MICAL3: variants seen among roughly 807,000 people sequenced by gnomAD.
The protein encoded by MICAL3 is [F-actin]-monooxygenase MICAL3.
A neutral mutation model predicts 207.4 loss-of-function variants in MICAL3; 62 were observed. That is an observed-to-expected ratio of 0.30 (90% CI 0.24 to 0.37). The LOEUF (loss-of-function observed/expected upper bound fraction) is 0.37, where lower values mean the gene tolerates loss of function less well. Ranked by LOEUF, MICAL3 falls within the 10% of genes least tolerant of loss-of-function variation. MICAL3 has a pLI of 1.00. For missense variants in MICAL3, 2,368 were observed against 2,635.6 expected (o/e 0.90, Z 2.22); for synonymous variants, 1,077 against 1,069.3 (o/e 1.01, Z -0.14).
chr22:17,857,083 C>T (rs534698707), intron 19 of MICAL3, among the ~76,000 whole-genome samples: 31 of 152,264 alleles, frequency 2.0e-4, no homozygotes, highest in African/African-American at 7.0e-4. Flanking sequence ...TCCTGTTAAT[C>T]GATACCAGCT....
At chr22:17,847,135 T>A (rs550711811) in intron 19 of MICAL3, among the ~76,000 whole-genome samples, 1 of 152,156 alleles carries the variant, frequency 6.6e-6, no homozygotes, top group South Asian at 2.1e-4. Flanking sequence ...CTCCTCTTCC[T>A]CCTCCCTGCA....
Position 17,818,733 on chromosome 22 carries a change from T to C in MICAL3, c.3928A>G (p.Ser1310Gly), listed in dbSNP as rs1278537829. The stretch of plus-strand genomic sequence containing the variant: ...AGGGCCTCATCCACAGCAAGGGGGC[T>C]GCCCAGTCTGTCCTTGGTGTCACTT... ...SQSDTKDRLGSPLAVDEALRR... is the reference protein window; with the variant it reads ...SQSDTKDRLGGPLAVDEALRR... Residue 1310 changes from serine (S) to glycine (G), a missense_variant, in exon 26 of 32, where the codon AGC (serine) becomes GGC (glycine). Around this residue, in one of 4 missense-constraint regions of MICAL3, gnomAD observed 1,770 missense variants for 1,863.2 expected, o/e 0.95. Transcript: ENST00000441493. The C allele has an allele frequency of 2.5e-6, 4 of 1,609,092 alleles. No homozygotes were observed. In the African/African-American group the frequency reaches 4.0e-5, roughly 16 times the overall value.
At chr22:17,896,431 G>C in intron 8 of MICAL3, 70 bp from the exon 9 acceptor site, 1 of 1,000,286 alleles carries the variant, frequency 1.0e-6, no homozygotes. Context: ...ATAAACTAAG[G>C]AACAAAGAGT....
intron 12 of MICAL3, among the ~76,000 whole-genome samples, chr22:17,890,099 G>A (rs531389036): frequency 2.0e-5 from 3 of 152,068 alleles, no homozygotes; most frequent in Non-Finnish European, 4.4e-5. Flanking sequence ...ATTTCCTACT[G>A]GGTTTAAGCC....
intron 1 of MICAL3, among the ~76,000 whole-genome samples, chr22:17,992,313 A>G (rs1288160588): frequency 6.6e-6 from 1 of 152,124 alleles, no homozygotes; most frequent in Non-Finnish European, 1.5e-5. Flanking sequence ...CAAACAGCAG[A>G]CACAGGGGGT....
chr22:17,821,997 G>A, intron 24 of MICAL3, 33 bp downstream of exon 24: 1 of 1,609,904 alleles, frequency 6.2e-7, no homozygotes, highest in African/African-American at 1.3e-5. Context: ...TAGGAATTCT[G>A]AAAGTTGTTT....
chr22:17,976,075 C>T (rs1284241834), intron 1 of MICAL3, among the ~76,000 whole-genome samples: 1 of 151,956 alleles, frequency 6.6e-6, no homozygotes, highest in Non-Finnish European at 1.5e-5. Flanking sequence ...CTACATGGCT[C>T]AAAGCCGGAG....
chr22:17,899,456 T>C lies in MICAL3; in HGVS notation c.940A>G (p.Ile314Val), dbSNP rs752669280. 1 of 1,600,366 alleles carries C rather than the reference T, an allele frequency of 6.2e-7. No homozygotes were observed. ...GGAAATCCGTGGCTCACATGTAGTA[T>C]CACTCCTTTGTCCAGCAAACTCTGC... Reference protein sequence around the residue: ...KKQSLLDKGVILHDYADTELL... With the variant: ...KKQSLLDKGVVLHDYADTELL... The change falls in exon 7 of 32, where the codon ATA becomes GTA. Residue 314 changes from isoleucine (I) to valine (V), a missense_variant. Coordinates refer to ENST00000441493, the MANE Select transcript of MICAL3 (RefSeq NM_015241.3).
chr22:17,837,711 T>G (rs1010758841), intron 20 of MICAL3, among the ~76,000 whole-genome samples: 1 of 152,340 alleles, frequency 6.6e-6, no homozygotes, highest in Admixed American at 6.5e-5. Context: ...GTGACAAGGC[T>G]TGGGATTTAT....
chr22:17,925,686 G>A (rs909925445), intron 1 of MICAL3, among the ~76,000 whole-genome samples: 1 of 152,118 alleles, frequency 6.6e-6, no homozygotes, highest in Non-Finnish European at 1.5e-5. Flanking sequence ...AACTCTTGTT[G>A]AGAATAGTGC....
rs1238472121 is a variant in MICAL3 at position 17,788,553 on chromosome 22, G to GT, written c.*2178dup. 1 of 152,282 alleles carries GT rather than the reference G, an allele frequency of 6.6e-6. No homozygotes were observed. Among genetic ancestry groups the GT allele is most frequent in the African/African-American group, 2.4e-5 (1 of 41,476 alleles). The allele number at this position is 152,282 out of a possible 1,614,324, so 9.4% of individuals were successfully genotyped here. A position where few individuals can be genotyped will look rare whatever the true frequency, so the allele number is the denominator to read the frequency against. On this transcript the variant is annotated 3_prime_UTR_variant, in exon 32 of 32. Coordinates refer to ENST00000441493, the MANE Select transcript of MICAL3 (RefSeq NM_015241.3). ...AGGTCTGGGAAAGGCCACGCAGGCA[G>GT]TGAAGGTCTTTTCCCACGTCCAATT...
chr22:17,938,465 T>G (rs1933651881), intron 1 of MICAL3, among the ~76,000 whole-genome samples: 2 of 152,106 alleles, frequency 1.3e-5, no homozygotes, highest in Admixed American at 1.3e-4. Flanking sequence ...GTGGGCTGCC[T>G]TTTCCCTACG....
In MICAL3 at chr22:17,822,095, T is replaced by A. The variant is rs1398689385; in HGVS notation, c.3383A>T (p.Glu1128Val). The A allele has an allele frequency of 6.2e-6, 10 of 1,613,822 alleles. No individual in the cohort carries two copies. Among genetic ancestry groups the A allele is most frequent in the Non-Finnish European group, 8.5e-6 (10 of 1,179,888 alleles). ...ATCTTCCGACACCCTCAGCTCCAGC[T>A]CTGCTTCCCCCTCAGCTGGGCACGG... ...RLPCPAEGEA[E>V]LELRVSEDEE... The change falls in exon 24 of 32, where the codon GAG (glutamate) becomes GTG (valine). Residue 1128 changes from glutamate to valine, a missense_variant. By Grantham distance (121) the Glu-to-Val change is moderately radical. This residue lies in a region of MICAL3 where 1,770 missense variants were observed against 1,863.2 expected (regional missense o/e 0.95). Transcript: ENST00000441493.
At chr22:17,861,629 T>C (rs886546472) in intron 19 of MICAL3, 6 of 985,350 alleles carry the variant, frequency 6.1e-6, no homozygotes, top group Non-Finnish European at 7.2e-6. Flanking sequence ...TCTCTGCCTA[T>C]TGTTCAAGCT....
chr22:17,982,769 GTAAAATAAAA>G (rs138986038), intron 1 of MICAL3, among the ~76,000 whole-genome samples: 7,346 of 148,374 alleles, frequency 0.05, 593 homozygotes, highest in African/African-American at 0.17. Context: ...GTAAAATAAA[GTAAAATAAAA>G]TAAAATAAAA....
Position 17,896,757 on chromosome 22 carries a change from T to G in MICAL3, c.1173A>C (p.Leu391Phe). The change falls in exon 8 of 32, where the codon TTA (leucine) becomes TTC (phenylalanine). Residue 391 changes from leucine (L) to phenylalanine (F), a missense_variant. Around this residue, in one of 4 missense-constraint regions of MICAL3, gnomAD observed 400 missense variants for 547.0 expected, o/e 0.73. Transcript: ENST00000441493. ...GGCTGTCCCCGACCAGAGCCACTAG[T>G]AACTGGTGTCCGTTCTGCTCCCGCA... The part of the protein sequence containing the change: ...ALVREQNGHQ[L>F]LVALVGDSLL... 6.2e-7 allele frequency: 1 copy of G among 1,613,748 alleles called. No homozygotes were observed. Among genetic ancestry groups the G allele is most frequent in the South Asian group, 1.1e-5 (1 of 91,064 alleles).
At chr22:17,973,412 A>G in intron 1 of MICAL3, among the ~76,000 whole-genome samples, 1 of 152,216 alleles carries the variant, frequency 6.6e-6, no homozygotes. Context: ...CCTTCCCAAC[A>G]GGGCCTGGGA....
chr22:17,805,460 T>C (rs527897255), intron 29 of MICAL3, among the ~76,000 whole-genome samples: 252 of 152,338 alleles, frequency 1.7e-3, no homozygotes, highest in Middle Eastern at 3.4e-3. Context: ...TCCTGAAAAT[T>C]CCAGAGAGTT....
In MICAL3 at chr22:17,886,736, T is replaced by G. The variant is rs1158787348; in HGVS notation, c.2067+434A>C. Among the ~76,000 whole-genome samples, 4 of 137,936 alleles carry G rather than the reference T, an allele frequency of 2.9e-5. No homozygotes were observed. The Admixed American group carries it at 2.9e-4, about 10-fold the overall frequency. 90.5% of individuals were successfully genotyped at this position (137,936 alleles called of 152,430 possible). A position where few individuals can be genotyped will look rare whatever the true frequency, so the allele number is the denominator to read the frequency against. ...ATGAGAATCGCTTGAACCCTGGAGG[T>G]GCAGGTTGCAGTGAGCCGAGATTGC... is the stretch of plus-strand genomic sequence containing the variant. On this transcript the variant is annotated intron_variant, in intron 15 of 31. Transcript: ENST00000441493.
Sources: allele counts gnomAD v4.1 joint callset (sites outside exome capture counted in the v4.1 genomes callset), GRCh38; gene constraint gnomAD v4.1.1; regional missense constraint gnomAD v4.1.1; transcripts MANE v1.5; gene names NCBI Gene and HGNC (gene_info 2026-07-23, HGNC 2026-07-21).